MOSPD2: variants seen among roughly 807,000 people sequenced by gnomAD.
MOSPD2 encodes motile sperm domain containing 2, also known as motile sperm domain-containing protein 2.
A neutral mutation model predicts 41.7 loss-of-function variants in MOSPD2; 5 were observed. The ratio of observed to expected loss-of-function variants is 0.12; its 90% CI spans 0.06 to 0.25. The LOEUF (loss-of-function observed/expected upper bound fraction) is 0.25. Among genes scored for constraint, MOSPD2 ranks in the 10% least tolerant of loss-of-function variants. The probability of loss-of-function intolerance (pLI) is 1.00; values close to 1 mark genes in which losing one functional copy is unlikely to be tolerated. For synonymous variants in MOSPD2, 115 were observed against 126.9 expected (o/e 0.91, Z 0.63); for missense variants, 282 against 375.2 (o/e 0.75, Z 2.05).
chrX:14,910,931 T>TAC (rs35768433), intron 8 of MOSPD2, among the ~76,000 whole-genome samples: 36,420 of 100,274 alleles, frequency 0.36, 5,332 homozygotes, highest in African/African-American at 0.45. Flanking sequence ...TCTTTAAAAA[T>TAC]ACACACACAC....
intron 4 of MOSPD2, 107 bp downstream of exon 4, chrX:14,895,501 C>A: frequency 2.0e-6 from 1 of 495,684 alleles, no homozygotes; most frequent in Non-Finnish European, 3.5e-6. Flanking sequence ...TAGCACTCCT[C>A]AGGTCTTCTG....
chrX:14,883,969 A>G (rs888697215), intron 2 of MOSPD2, among the ~76,000 whole-genome samples: 2 of 111,943 alleles, frequency 1.8e-5, no homozygotes, highest in Admixed American at 1.9e-4. Context: ...AAGGACAGAG[A>G]AAATCTAACA....
chrX:14,914,485 G>A lies in MOSPD2; in HGVS notation c.993-18G>A. 1 of 1,052,457 alleles carries A rather than the reference G, an allele frequency of 9.5e-7. No individual in the cohort carries two copies. Among genetic ancestry groups the A allele is most frequent in the Non-Finnish European group, 1.3e-6 (1 of 766,266 alleles). The allele number at this position is 1,052,457 out of a possible 1,213,427, so 86.7% of individuals were successfully genotyped here. ...ATTCTGATTATTACAAATGTCTTAT[G>A]TTTTTGTCACTCCCTAGCCCAGCAG... On this transcript the variant is annotated intron_variant, in intron 10 of 14. Transcript: ENST00000380492.
At chrX:14,886,415 C>T (rs1267427972) in intron 2 of MOSPD2, among the ~76,000 whole-genome samples, 5 of 109,757 alleles carry the variant, frequency 4.6e-5, no homozygotes, top group African/African-American at 1.7e-4. Flanking sequence ...AAGCAGAAAG[C>T]ACCTCCCCTT....
At chrX:14,894,493 T>A (rs181918209) in intron 3 of MOSPD2, among the ~76,000 whole-genome samples, 1 of 109,990 alleles carries the variant, frequency 9.1e-6, no homozygotes, top group Admixed American at 9.7e-5. Context: ...ATTTTTTATA[T>A]TTTTAGCAGA....
intron 2 of MOSPD2, among the ~76,000 whole-genome samples, chrX:14,878,557 A>G (rs778432645): frequency 7.1e-5 from 8 of 111,929 alleles, no homozygotes; most frequent in Admixed American, 1.9e-4. Flanking sequence ...GTTTTTGAAT[A>G]TATTCAAAAT....
At chrX:14,899,607 A>C (rs942387315) in intron 5 of MOSPD2, among the ~76,000 whole-genome samples, 1 of 62,092 alleles carries the variant, frequency 1.6e-5, no homozygotes, top group Non-Finnish European at 4.2e-5. Flanking sequence ...CACACACACA[A>C]AGGTATTATT....
At chrX:14,915,124 C>T (rs761855360) in intron 11 of MOSPD2, among the ~76,000 whole-genome samples, 9 of 111,556 alleles carry the variant, frequency 8.1e-5, no homozygotes, top group Non-Finnish European at 1.1e-4. Flanking sequence ...TCCTGATGTG[C>T]TTTGATTATC....
intron 11 of MOSPD2, 45 bp from the exon 12 acceptor site, chrX:14,915,622 CA>C (rs758851555): frequency 4.2e-6 from 4 of 953,840 alleles, no homozygotes; most frequent in Admixed American, 5.1e-5. Flanking sequence ...CATTTCCCCC[CA>C]AAAAAGCATA....
At chrX:14,915,803 T>C (rs1480158794) in intron 12 of MOSPD2, 39 bp downstream of exon 12, 3 of 1,083,926 alleles carry the variant, frequency 2.8e-6, no homozygotes, top group Non-Finnish European at 3.8e-6. Context: ...GTGTTGGGTG[T>C]GGTGGGGGTA....
At chrX:14,898,798 T>G (rs2092567318) in intron 5 of MOSPD2, among the ~76,000 whole-genome samples, 2 of 111,622 alleles carry the variant, frequency 1.8e-5, no homozygotes, top group Admixed American at 1.9e-4. Context: ...AATTTGTAAA[T>G]AAGGTGTATT....
chrX:14,897,320 T>C, intron 5 of MOSPD2, 82 bp downstream of exon 5: 1 of 826,674 alleles, frequency 1.2e-6, no homozygotes. Context: ...AACCACATAT[T>C]GCTGTAAAAT....
intron 2 of MOSPD2, among the ~76,000 whole-genome samples, chrX:14,883,190 T>G (rs1331408384): frequency 3.7e-5 from 4 of 108,233 alleles, no homozygotes; most frequent in Non-Finnish European, 7.7e-5. Context: ...TGAGACTCCA[T>G]CTCGAAAAAA....
rs1257532368 is a variant in MOSPD2 at position 14,921,920 on chromosome X, C to A, written c.*2111C>A. On this transcript the variant is annotated 3_prime_UTR_variant, in exon 15 of 15. Coordinates refer to ENST00000380492, the MANE Select transcript of MOSPD2 (RefSeq NM_152581.4). ...CATGACCAAATTACCAAGGAACCAACATTTAGATTTAGATATTTGTTTTCA... is the reference window on the plus strand; with the variant it reads ...CATGACCAAATTACCAAGGAACCAAAATTTAGATTTAGATATTTGTTTTCA... 1 of 111,344 alleles carries A rather than the reference C, an allele frequency of 9.0e-6. No individual in the cohort carries two copies. Among genetic ancestry groups the A allele is most frequent in the Non-Finnish European group, 1.9e-5 (1 of 53,077 alleles). 9.2% of individuals were successfully genotyped at this position (111,344 alleles called of 1,213,427 possible). A position where few individuals can be genotyped will look rare whatever the true frequency, so the allele number is the denominator to read the frequency against.
At chrX:14,874,033 G>A (rs2092513968) in intron 2 of MOSPD2, 1 of 379,184 alleles carries the variant, frequency 2.6e-6, no homozygotes, top group Non-Finnish European at 4.6e-6. Flanking sequence ...GGAACTTGCA[G>A]GATACTTGTT....
In MOSPD2 at chrX:14,903,018, T is replaced by C. The variant is rs2092575762; in HGVS notation, c.577+14T>C. The C allele has an allele frequency of 1.9e-6, 2 of 1,078,014 alleles. No homozygotes were observed. The highest frequency in any genetic ancestry group is 2.6e-6 in the Non-Finnish European group (2 of 777,883). 88.8% of individuals were successfully genotyped at this position (1,078,014 alleles called of 1,213,427 possible). A position where few individuals can be genotyped will look rare whatever the true frequency, so the allele number is the denominator to read the frequency against. Reference sequence around the variant, plus strand: ...GGTTAATGAATGGTGAGTATATTTATACTTTCTTAAAACAAAATGTCTAAT... The same window carrying C: ...GGTTAATGAATGGTGAGTATATTTACACTTTCTTAAAACAAAATGTCTAAT... On this transcript the variant is annotated intron_variant, in intron 7 of 14. Transcript: ENST00000380492.
At chrX:14,905,498 T>TG (rs1375601767) in intron 7 of MOSPD2, among the ~76,000 whole-genome samples, 57 of 110,176 alleles carry the variant, frequency 5.2e-4, no homozygotes, top group Admixed American at 1.4e-3. Context: ...ATACCTTTTT[T>TG]TTTGTTTGTT....
At chrX:14,911,802 G>A (rs893868844) in intron 9 of MOSPD2, among the ~76,000 whole-genome samples, 2 of 111,800 alleles carry the variant, frequency 1.8e-5, no homozygotes, top group South Asian at 3.7e-4. Context: ...TGGGAAGATC[G>A]CTTGAGCCCA....
At chrX:14,918,505 G>A (rs745717546) in intron 13 of MOSPD2, among the ~76,000 whole-genome samples, 175 bp from the exon 14 acceptor site, 74 of 112,252 alleles carry the variant, frequency 6.6e-4, no homozygotes, top group South Asian at 3.7e-3. Context: ...ATTAATTAAC[G>A]AAGCTGGAAG....
Sources: gnomAD v4.1 joint callset for allele counts (sites outside exome capture counted in the v4.1 genomes callset) on GRCh38, gnomAD v4.1.1 for gene constraint, MANE v1.5 for transcripts, NCBI Gene and HGNC (gene_info 2026-07-23, HGNC 2026-07-21) for gene names.